Variants in ANKRD6 observed in about 807,000 individuals in gnomAD.
ANKRD6 encodes ankyrin repeat domain-containing protein 6.
In ANKRD6, 56 loss-of-function variants were observed where a neutral mutation model predicts 82.3. That is an observed-to-expected ratio of 0.68 (90% CI 0.55 to 0.85). The LOEUF (loss-of-function observed/expected upper bound fraction) is 0.85, where lower values mean the gene tolerates loss of function less well. Among genes scored for constraint, ANKRD6 ranks in the 40% least tolerant of loss-of-function variants. The pLI is 0.00. For missense variants in ANKRD6, 852 were observed against 907.6 expected (o/e 0.94, Z 0.79); for synonymous variants, 347 against 352.1 (o/e 0.99, Z 0.16).
chr6:89,602,867 C>T, intron 3 of ANKRD6, 162 bp from the exon 4 acceptor site: 1 of 583,332 alleles, frequency 1.7e-6, no homozygotes, highest in Non-Finnish European at 3.1e-6. Flanking sequence ...CTAACAAGAC[C>T]ACAAAGCCCG....
intron 1 of ANKRD6, among the ~76,000 whole-genome samples, chr6:89,496,805 A>G (rs772267749): frequency 2.6e-5 from 4 of 152,252 alleles, no homozygotes; most frequent in Non-Finnish European, 4.4e-5. Context: ...GTCTGTTTTC[A>G]AGTGACAACA....
intron 1 of ANKRD6, among the ~76,000 whole-genome samples, chr6:89,441,590 G>A (rs1771385780): frequency 6.7e-6 from 1 of 148,378 alleles, no homozygotes; most frequent in Non-Finnish European, 1.5e-5. Flanking sequence ...CCAACTGTGA[G>A]TGACCATAGC....
chr6:89,468,852 C>T (rs1160841553), intron 1 of ANKRD6, among the ~76,000 whole-genome samples: 1 of 151,912 alleles, frequency 6.6e-6, no homozygotes, highest in Non-Finnish European at 1.5e-5. Flanking sequence ...CTTGATTTTC[C>T]CTTCCTTAGC....
At position 89,449,149 on chromosome 6, in the gene ANKRD6, T is replaced by C. The variant is rs180684564; in HGVS notation, c.-144+15774T>C. Among the ~76,000 whole-genome samples the C allele has an allele frequency of 1.2e-4, 19 of 152,332 alleles. No homozygotes were observed. The East Asian group carries it at 3.7e-3, about 29-fold the overall frequency. On this transcript the variant is annotated intron_variant, in intron 1 of 15. Coordinates refer to ENST00000339746, the MANE Select transcript of ANKRD6 (RefSeq NM_001242809.2). ...AAATCTTTTGGAAAGGATTCACCTT[T>C]GTAGATGCCATTAAGAACATTCATG... is the stretch of plus-strand genomic sequence containing the variant.
intron 1 of ANKRD6, among the ~76,000 whole-genome samples, chr6:89,541,820 A>T (rs1345216524): frequency 6.6e-6 from 1 of 151,268 alleles, no homozygotes. Flanking sequence ...AGTTTTATAT[A>T]TATCTTATAT....
intron 1 of ANKRD6, among the ~76,000 whole-genome samples, chr6:89,469,462 T>C (rs1775213526): frequency 6.6e-6 from 1 of 152,188 alleles, no homozygotes; most frequent in African/African-American, 2.4e-5. Flanking sequence ...TCCTCCTGAG[T>C]ACAAAGTTCT....
chr6:89,445,174 A>G (rs1001739202), intron 1 of ANKRD6, among the ~76,000 whole-genome samples: 2 of 149,902 alleles, frequency 1.3e-5, no homozygotes, highest in African/African-American at 2.5e-5. Flanking sequence ...CTGTGTCTCT[A>G]TGTCACACTT....
At chr6:89,497,443 C>T (rs912831849) in intron 1 of ANKRD6, among the ~76,000 whole-genome samples, 3 of 152,152 alleles carry the variant, frequency 2.0e-5, no homozygotes, top group Admixed American at 6.5e-5. Flanking sequence ...ACCTCTGTTT[C>T]CTTTTTTCTT....
chr6:89,536,318 T>A (rs562973078), intron 1 of ANKRD6, among the ~76,000 whole-genome samples: 97 of 152,334 alleles, frequency 6.4e-4, no homozygotes, highest in African/African-American at 1.9e-3. Flanking sequence ...GGTCCACACA[T>A]GTCTTTTCTG....
At chr6:89,622,050 C>A (rs200175400) in intron 10 of ANKRD6, 24 bp downstream of exon 10, 1 of 1,601,870 alleles carries the variant, frequency 6.2e-7, no homozygotes, top group Admixed American at 1.7e-5. Context: ...CTCCCGCCGT[C>A]CCCACATCCA....
chr6:89,623,395 T>C lies in ANKRD6; in HGVS notation c.898-15T>C. ...AAGCAAACACAATGGGTCTCTGGGC[T>C]TTTTCCTTCTGTAGGGCAGTGTCTC... On this transcript the variant is annotated splice_polypyrimidine_tract_variant and intron_variant, in intron 10 of 15. Transcript: ENST00000339746. The C allele has an allele frequency of 6.2e-7, 1 of 1,605,118 alleles. No individual in the cohort carries two copies. Among genetic ancestry groups the C allele is most frequent in the Non-Finnish European group, 8.5e-7 (1 of 1,176,816 alleles).
intron 2 of ANKRD6, among the ~76,000 whole-genome samples, chr6:89,576,196 C>T (rs796550307): frequency 5.3e-5 from 8 of 152,180 alleles, no homozygotes; most frequent in African/African-American, 1.2e-4. Context: ...GGACTACAGG[C>T]GCCTGCCACC....
At chr6:89,529,474 ATCT>A (rs1180724116) in intron 1 of ANKRD6, among the ~76,000 whole-genome samples, 3 of 152,182 alleles carry the variant, frequency 2.0e-5, no homozygotes, top group Non-Finnish European at 4.4e-5. Flanking sequence ...TGTCTGGTTG[ATCT>A]TCTATCCAGA....
chr6:89,556,280 G>A (rs1019796249), intron 1 of ANKRD6, among the ~76,000 whole-genome samples: 3 of 152,210 alleles, frequency 2.0e-5, no homozygotes, highest in African/African-American at 7.2e-5. Context: ...TTGGCTCATT[G>A]CCCTCTAAGA....
intron 1 of ANKRD6, among the ~76,000 whole-genome samples, chr6:89,517,885 C>T (rs1781415258): frequency 6.6e-6 from 1 of 152,182 alleles, no homozygotes; most frequent in East Asian, 1.9e-4. Context: ...AGTCATAGCC[C>T]CTGTGGCAGT....
chr6:89,485,441 G>GT (rs1777257467), intron 1 of ANKRD6, among the ~76,000 whole-genome samples: 2 of 152,168 alleles, frequency 1.3e-5, no homozygotes, highest in African/African-American at 4.8e-5. Context: ...CTGGACCTGG[G>GT]TTTTTTGGTT....
chr6:89,596,124 C>A, intron 3 of ANKRD6, 110 bp downstream of exon 3: 1 of 905,206 alleles, frequency 1.1e-6, no homozygotes, highest in Non-Finnish European at 1.8e-6. Context: ...GCTCTCGCAG[C>A]ACATTTTAGC....
rs1367862885 is a variant in ANKRD6, at chr6:89,460,925, G to A, written c.-144+27550G>A. 6.3e-5 allele frequency among the ~76,000 whole-genome samples: 3 copies of A among 47,840 alleles called. 1 individual carries two copies. The highest frequency in any genetic ancestry group is 7.8e-4 in the South Asian group (2 of 2,558). 31.4% of individuals were successfully genotyped at this position (47,840 alleles called of 152,430 possible). A position where few individuals can be genotyped will look rare whatever the true frequency, so the allele number is the denominator to read the frequency against. ...TTTGGAATTCTTTTTTTTTGAGACCGAGTCTCCCTCTGTCATCGAGGCTGG... is the reference window on the plus strand; with the variant it reads ...TTTGGAATTCTTTTTTTTTGAGACCAAGTCTCCCTCTGTCATCGAGGCTGG... On this transcript the variant is annotated intron_variant, in intron 1 of 15. Coordinates refer to ENST00000339746, the MANE Select transcript of ANKRD6 (RefSeq NM_001242809.2).
chr6:89,518,811 G>C (rs1274682490), intron 1 of ANKRD6, among the ~76,000 whole-genome samples: 1 of 152,144 alleles, frequency 6.6e-6, no homozygotes, highest in East Asian at 1.9e-4. Flanking sequence ...GTTTGCTAGG[G>C]CTGCCATTAC....
Sources: allele counts gnomAD v4.1 joint callset (sites outside exome capture counted in the v4.1 genomes callset), GRCh38; gene constraint gnomAD v4.1.1; transcripts MANE v1.5; gene names NCBI Gene and HGNC (gene_info 2026-07-23, HGNC 2026-07-21).